NRG3: variants seen among roughly 807,000 people sequenced by gnomAD.
NRG3 encodes the protein pro-neuregulin-3, membrane-bound isoform.
Under a neutral mutation model 66.9 loss-of-function variants are expected in NRG3, and 31 were observed. The observed-to-expected ratio is 0.46, with a 90% CI of 0.35 to 0.63. The LOEUF is 0.63. NRG3 is among the 20% of genes least tolerant of loss of function. NRG3 has a pLI of 0.00. For synonymous variants in NRG3, 393 were observed against 359.4 expected, an observed-to-expected ratio of 1.09 and a Z score of -1.06; for missense variants, 910 against 878.9, an observed-to-expected ratio of 1.04 and a Z score of -0.45.
intron 4 of NRG3, among the ~76,000 whole-genome samples, chr10:82,898,052 C>T (rs887953824): frequency 1.3e-5 from 2 of 152,164 alleles, no homozygotes; most frequent in African/African-American, 4.8e-5. Flanking sequence ...AGCAGACCTG[C>T]AGAGTCTCCT....
chr10:81,902,080 T>C (rs1844132593), intron 1 of NRG3, among the ~76,000 whole-genome samples: 3 of 152,118 alleles, frequency 2.0e-5, no homozygotes, highest in Admixed American at 2.0e-4. Flanking sequence ...TTTCATGAAA[T>C]TTGCAAGGGG....
At chr10:81,892,022 A>C (rs1462969291) in intron 1 of NRG3, among the ~76,000 whole-genome samples, 1 of 152,124 alleles carries the variant, frequency 6.6e-6, no homozygotes, top group East Asian at 1.9e-4. Flanking sequence ...AGTGTATTTT[A>C]TGTTGGACAT....
chr10:82,129,204 C>T (rs145771563), intron 1 of NRG3, among the ~76,000 whole-genome samples: 13 of 150,516 alleles, frequency 8.6e-5, no homozygotes, highest in South Asian at 4.2e-4. Flanking sequence ...TAAGCCACTG[C>T]GCCAGGGCAG....
At chr10:82,188,343 A>G (rs1363534210) in intron 1 of NRG3, among the ~76,000 whole-genome samples, 1 of 152,180 alleles carries the variant, frequency 6.6e-6, no homozygotes, top group African/African-American at 2.4e-5. Flanking sequence ...AAGACCTCAA[A>G]CTATGAAAGT....
At chr10:82,023,567 T>G (rs1248098237) in intron 1 of NRG3, among the ~76,000 whole-genome samples, 1 of 152,072 alleles carries the variant, frequency 6.6e-6, no homozygotes, top group Non-Finnish European at 1.5e-5. Flanking sequence ...TCATCATAAA[T>G]GGATGTTGAA....
intron 2 of NRG3, among the ~76,000 whole-genome samples, chr10:82,628,256 T>G (rs2049560097): frequency 6.6e-6 from 1 of 152,228 alleles, no homozygotes; most frequent in Admixed American, 6.5e-5. Context: ...AACATTGCCG[T>G]TAGGCTTTTT....
rs1257980262 is a variant in NRG3 at position 81,967,963 on chromosome 10, T to C, written c.823+91800T>C. Reference sequence around the variant, plus strand: ...GCAGCACTCCTTCTTTATTATAGTATGTTTATGGATATGCATATAAATATA... The same window carrying C: ...GCAGCACTCCTTCTTTATTATAGTACGTTTATGGATATGCATATAAATATA... On this transcript the variant is annotated intron_variant, in intron 1 of 8. Transcript: ENST00000372141. Among the ~76,000 whole-genome samples, 11 of 152,348 alleles carry C rather than the reference T, an allele frequency of 7.2e-5. No individual in the cohort carries two copies. In the East Asian group the frequency reaches 2.1e-3, roughly 29 times the overall value.
chr10:81,911,603 GTTTTTTTTT>G (rs796518872), intron 1 of NRG3, among the ~76,000 whole-genome samples: 13 of 77,964 alleles, frequency 1.7e-4, no homozygotes, highest in South Asian at 1.7e-3. Flanking sequence ...GCACAGACTT[GTTTTTTTTT>G]TTTTTTTTTT....
intron 1 of NRG3, among the ~76,000 whole-genome samples, chr10:82,306,881 A>G (rs1287163569): frequency 2.6e-5 from 4 of 152,022 alleles, no homozygotes; most frequent in Admixed American, 2.6e-4. Flanking sequence ...GTGTTTTTCT[A>G]GACTATTATT....
chr10:82,374,435 G>C (rs1471670454), intron 2 of NRG3, among the ~76,000 whole-genome samples: 1 of 152,144 alleles, frequency 6.6e-6, no homozygotes, highest in South Asian at 2.1e-4. Context: ...ATCACCAAAG[G>C]CCATGGTTAT....
At chr10:82,089,743 G>T (rs148955616) in intron 1 of NRG3, among the ~76,000 whole-genome samples, 166 of 152,300 alleles carry the variant, frequency 1.1e-3, no homozygotes, top group African/African-American at 3.9e-3. Flanking sequence ...TTCAGACTTT[G>T]TAAAAAGATA....
intron 2 of NRG3, among the ~76,000 whole-genome samples, chr10:82,662,590 CAGGCTGAAGCTACAGAGCA>C (rs1345976686): frequency 6.6e-6 from 1 of 152,076 alleles, no homozygotes; most frequent in Non-Finnish European, 1.5e-5. Context: ...TCAGAAGAGC[CAGGCTGAAGCTACAGAGCA>C]AGGGAATGGA....
intron 1 of NRG3, among the ~76,000 whole-genome samples, chr10:82,326,325 A>G (rs975971916): frequency 6.6e-6 from 1 of 152,080 alleles, no homozygotes; most frequent in African/African-American, 2.4e-5. Context: ...AAGATTTACA[A>G]TTTATCACTG....
chr10:82,160,616 A>G (rs1304324818), intron 1 of NRG3, among the ~76,000 whole-genome samples: 1 of 151,888 alleles, frequency 6.6e-6, no homozygotes, highest in Non-Finnish European at 1.5e-5. Context: ...AACCCAAGCA[A>G]GAAGAAGAAA....
chr10:82,075,175 A>G (rs1013224633), intron 1 of NRG3, among the ~76,000 whole-genome samples: 13 of 152,188 alleles, frequency 8.5e-5, no homozygotes, highest in South Asian at 6.2e-4. Context: ...ATACCTGTTC[A>G]TGACATTTAT....
intron 1 of NRG3, among the ~76,000 whole-genome samples, chr10:82,315,010 CTATT>C (rs748716735): frequency 1.8e-4 from 28 of 151,982 alleles, no homozygotes; most frequent in Non-Finnish European, 3.5e-4. Flanking sequence ...ATGTGTGTGT[CTATT>C]TACCTGTATA....
chr10:82,699,160 C>G (rs531130430), intron 2 of NRG3, among the ~76,000 whole-genome samples: 47 of 151,936 alleles, frequency 3.1e-4, no homozygotes, highest in Non-Finnish European at 5.9e-4. Context: ...TTGTGTTAAT[C>G]TTGAAGTAAT....
At chr10:82,050,506 G>A (rs899537189) in intron 1 of NRG3, among the ~76,000 whole-genome samples, 1 of 151,912 alleles carries the variant, frequency 6.6e-6, no homozygotes, top group Non-Finnish European at 1.5e-5. Flanking sequence ...GATTTGTGCT[G>A]TTAGTCTGTG....
At chr10:82,742,170 A>T (rs2058454582) in intron 3 of NRG3, among the ~76,000 whole-genome samples, 1 of 152,042 alleles carries the variant, frequency 6.6e-6, no homozygotes. Flanking sequence ...CCCTATTAGC[A>T]GGGGGTGAGA....
Sources: allele counts gnomAD v4.1 joint callset (sites outside exome capture counted in the v4.1 genomes callset), GRCh38; gene constraint gnomAD v4.1.1; transcripts MANE v1.5; gene names NCBI Gene and HGNC (gene_info 2026-07-23, HGNC 2026-07-21).